ANKRD13C: variants seen among roughly 807,000 people sequenced by gnomAD.
The protein encoded by ANKRD13C is ankyrin repeat domain-containing protein 13C.
ANKRD13C carries 16 observed loss-of-function variants against 65.5 expected under a neutral mutation model. The ratio of observed to expected loss-of-function variants is 0.24; its 90% CI spans 0.17 to 0.37. The LOEUF (loss-of-function observed/expected upper bound fraction) is 0.37, where lower values mean the gene tolerates loss of function less well. ANKRD13C is among the 10% of genes least tolerant of loss of function. The pLI, the probability that ANKRD13C is intolerant of heterozygous loss-of-function variation, is 1.00. For synonymous variants in ANKRD13C, 235 were observed against 238.7 expected (o/e 0.98, Z 0.14); for missense variants, 503 against 655.9 (o/e 0.77, Z 2.55).
rs981689461 is a variant in ANKRD13C, at chr1:70,336,048, A to C, written c.472+10T>G. On this transcript the variant is annotated intron_variant, in intron 2 of 12. Coordinates refer to ENST00000370944, the MANE Select transcript of ANKRD13C (RefSeq NM_030816.5). The stretch of plus-strand genomic sequence containing the variant: ...GAAGTTAAACATAAAAAAAGAAAAT[A>C]TTTACTAACCTTTATTTCCTAACAT... 7.4e-6 allele frequency: 6 copies of C among 808,720 alleles called. No individual in the cohort carries two copies. Among genetic ancestry groups the C allele is most frequent in the Admixed American group, 7.7e-5 (2 of 25,988 alleles). 50.1% of individuals were successfully genotyped at this position (808,720 alleles called of 1,614,324 possible).
intron 1 of ANKRD13C, among the ~76,000 whole-genome samples, chr1:70,353,640 A>G (rs1682851287): frequency 6.6e-6 from 1 of 152,190 alleles, no homozygotes; most frequent in South Asian, 2.1e-4. Context: ...AAATAAAGAT[A>G]TATAGCTCCA....
intron 8 of ANKRD13C, among the ~76,000 whole-genome samples, chr1:70,295,268 G>T (rs976039980): frequency 6.7e-6 from 1 of 149,020 alleles, no homozygotes; most frequent in Non-Finnish European, 1.5e-5. Flanking sequence ...TATTTTTTTT[G>T]AGACGGAGTC....
intron 9 of ANKRD13C, among the ~76,000 whole-genome samples, chr1:70,291,114 T>C (rs1444609994): frequency 6.6e-6 from 1 of 151,818 alleles, no homozygotes; most frequent in Non-Finnish European, 1.5e-5. Flanking sequence ...CTCCACAACC[T>C]CCACCTCCCA....
chr1:70,326,289 A>G (rs1243683869), intron 2 of ANKRD13C, among the ~76,000 whole-genome samples: 1 of 151,446 alleles, frequency 6.6e-6, no homozygotes, highest in African/African-American at 2.4e-5. Context: ...CATTCATTCA[A>G]TCAATAATTC....
rs1680949310 is a variant in ANKRD13C, at chr1:70,313,782, G to A, written c.672C>T (p.Asp224=). The change falls in exon 5 of 13, where the codon GAC becomes GAT. Residue 224 remains aspartate (D), a synonymous_variant. Transcript: ENST00000370944. ...AATCCCAGTGAAGTTCTAGATAAAA[G>A]TCACCTAGCTGAAAAATGAAATATG... is the stretch of plus-strand genomic sequence containing the variant. The part of the protein sequence containing the change: ...RLLKALKELG[D]FYLELHWDFQ... 1 of 1,609,052 alleles carries A rather than the reference G, an allele frequency of 6.2e-7. No homozygotes were observed. Among genetic ancestry groups the A allele is most frequent in the Non-Finnish European group, 8.5e-7 (1 of 1,176,188 alleles).
intron 4 of ANKRD13C, among the ~76,000 whole-genome samples, chr1:70,314,385 ATTTT>A (rs963598060): frequency 1.4e-5 from 2 of 146,150 alleles, no homozygotes; most frequent in Non-Finnish European, 3.0e-5. Flanking sequence ...TGCCTGGCTA[ATTTT>A]TTTTTTTTAA....
chr1:70,304,431 C>T (rs1331066480), intron 6 of ANKRD13C, among the ~76,000 whole-genome samples: 2 of 152,112 alleles, frequency 1.3e-5, no homozygotes, highest in African/African-American at 4.8e-5. Flanking sequence ...AGGTCTTACT[C>T]TGTTGCCCAG....
intron 5 of ANKRD13C, 144 bp downstream of exon 5, chr1:70,313,601 C>A: frequency 8.7e-6 from 5 of 575,712 alleles, no homozygotes; most frequent in South Asian, 2.7e-5. Flanking sequence ...GGCTTTATAA[C>A]GATTACAGTC....
chr1:70,263,924 GTTAT>G lies in ANKRD13C; in HGVS notation c.1496-1081_1496-1078del, dbSNP rs1386406018. ...ATAAGCTAGTATTTTATTGCAGAAA[GTTAT>G]GTTCTTATGTAAAAAGGAAAACAAA... On this transcript the variant is annotated intron_variant, in intron 12 of 12. Coordinates refer to ENST00000370944, the MANE Select transcript of ANKRD13C (RefSeq NM_030816.5). Among the ~76,000 whole-genome samples the G allele has an allele frequency of 2.0e-5, 3 of 152,134 alleles. No individual in the cohort carries two copies. In the South Asian group the frequency reaches 6.2e-4, roughly 32 times the overall value.
intron 9 of ANKRD13C, among the ~76,000 whole-genome samples, chr1:70,291,138 C>A (rs1050508603): frequency 6.6e-6 from 1 of 151,884 alleles, no homozygotes; most frequent in Non-Finnish European, 1.5e-5. Context: ...TCAAGCGATT[C>A]TCCTGCCTCA....
Position 70,354,303 on chromosome 1 carries a change from C to A in ANKRD13C, c.106G>T (p.Gly36Cys), listed in dbSNP as rs1204463319. 6 of 1,613,918 alleles carry A rather than the reference C, an allele frequency of 3.7e-6. No homozygotes were observed. Among genetic ancestry groups the A allele is most frequent in the African/African-American group, 1.3e-5 (1 of 74,924 alleles). The change falls in exon 1 of 13, where the codon GGT (glycine) becomes TGT (cysteine). Residue 36 changes from glycine to cysteine, a missense_variant. Gly to Cys is a radical substitution (Grantham distance 159). Transcript: ENST00000370944. The stretch of plus-strand genomic sequence containing the variant: ...CCAATCCTGCTTCTGGTAAAGGTAC[C>A]GCCGAGGGCAGCCGCCGCTTCCTCA... ...GDEEAAAALG[G>C]TFTRSRIGKG...
At chr1:70,267,910 AC>A (rs1678703120) in intron 12 of ANKRD13C, among the ~76,000 whole-genome samples, 2 of 152,118 alleles carry the variant, frequency 1.3e-5, no homozygotes, top group African/African-American at 2.4e-5. Flanking sequence ...ATGTCCCTAT[AC>A]CTTCCCCCAT....
At chr1:70,274,903 A>G (rs1679063301) in intron 10 of ANKRD13C, 85 bp from the exon 11 acceptor site, 1 of 805,276 alleles carries the variant, frequency 1.2e-6, no homozygotes, top group Non-Finnish European at 2.1e-6. Flanking sequence ...TTTCAATGAC[A>G]TTCATTAATA....
chr1:70,283,494 G>T (rs1419367202), intron 9 of ANKRD13C, among the ~76,000 whole-genome samples: 3 of 151,778 alleles, frequency 2.0e-5, no homozygotes, highest in African/African-American at 7.3e-5. Flanking sequence ...ATTTTATTAT[G>T]TATTCCTCTT....
At chr1:70,293,573 G>T (rs1366051989) in intron 8 of ANKRD13C, 1 of 984,918 alleles carries the variant, frequency 1.0e-6, no homozygotes, top group Non-Finnish European at 1.2e-6. Flanking sequence ...AGTACTAGAT[G>T]ATTAGCAGTT....
In ANKRD13C at chr1:70,354,231, G is replaced by A. The variant is rs553596974; in HGVS notation, c.178C>T (p.Arg60Trp). ...CHKIFSNHHHRLQLKAAPASS... is the reference protein window; with the variant it reads ...CHKIFSNHHHWLQLKAAPASS... ...GCCGGAGCTGCCTTCAGCTGTAGCC[G>A]GTGGTGATGGTTACTGAAGATCTTA... Residue 60 changes from arginine (R) to tryptophan (W), a missense_variant, in exon 1 of 13, where the codon CGG (arginine) becomes TGG (tryptophan). Arg to Trp is a moderately radical substitution (Grantham distance 101). Transcript: ENST00000370944. 2 of 1,613,578 alleles carry A rather than the reference G, an allele frequency of 1.2e-6. No individual in the cohort carries two copies. Among genetic ancestry groups the A allele is most frequent in the Non-Finnish European group, 1.7e-6 (2 of 1,180,028 alleles).
Position 70,354,033 on chromosome 1 carries a change from T to C in ANKRD13C, c.376A>G (p.Arg126Gly). 1 of 1,575,110 alleles carries C rather than the reference T, an allele frequency of 6.3e-7. No homozygotes were observed. The highest frequency in any genetic ancestry group is 8.6e-7 in the Non-Finnish European group (1 of 1,160,036). Residue 126 changes from arginine (R) to glycine (G), a missense_variant, in exon 1 of 13, where the codon AGG (arginine) becomes GGG (glycine). Arg to Gly is a moderately radical substitution (Grantham distance 125). Around this residue, in one of 2 missense-constraint regions of ANKRD13C, gnomAD observed 203 missense variants for 177.6 expected, o/e 1.14. Coordinates refer to ENST00000370944, the MANE Select transcript of ANKRD13C (RefSeq NM_030816.5). ...VHECVFKGDV[R>G]RLSSLIRTHN... is the part of the protein sequence containing the mutation. ...GTGCGGATGAGAGAGGAGAGTCTCC[T>C]CACATCCCCCTTGAAGACGCACTCG...
chr1:70,344,036 G>A (rs774826486), intron 1 of ANKRD13C, among the ~76,000 whole-genome samples: 3 of 151,484 alleles, frequency 2.0e-5, no homozygotes, highest in Admixed American at 6.6e-5. Context: ...GGTGGCTCAC[G>A]CCTATAATTC....
intron 12 of ANKRD13C, among the ~76,000 whole-genome samples, chr1:70,265,156 A>G (rs1352353662): frequency 1.3e-5 from 2 of 152,170 alleles, no homozygotes; most frequent in Non-Finnish European, 2.9e-5. Context: ...AGCCAACGGA[A>G]GGGTGTGACC....
Sources: gnomAD v4.1 joint callset for allele counts (sites outside exome capture counted in the v4.1 genomes callset) on GRCh38, gnomAD v4.1.1 for gene constraint, gnomAD v4.1.1 regional missense constraint, MANE v1.5 for transcripts, NCBI Gene and HGNC (gene_info 2026-07-23, HGNC 2026-07-21) for gene names.